The following RAD51B variants were observed in gnomAD, a reference collection of about 807,000 sequenced individuals.
The protein encoded by RAD51B is DNA repair protein RAD51 homolog 2.
In RAD51B, 38 loss-of-function variants were observed where a neutral mutation model predicts 42.2. The observed-to-expected ratio is 0.90, with a 90% CI of 0.70 to 1.18. The LOEUF (loss-of-function observed/expected upper bound fraction) is 1.18. Ranked by LOEUF, RAD51B falls within the 50% of genes most tolerant of loss-of-function variation. The pLI, the probability that RAD51B is intolerant of heterozygous loss-of-function variation, is 0.00. For synonymous variants in RAD51B, 154 were observed against 145.2 expected (o/e 1.06, Z -0.43); for missense variants, 373 against 400.7 (o/e 0.93, Z 0.59).
intron 7 of RAD51B, among the ~76,000 whole-genome samples, chr14:68,255,217 T>G (rs931256239): frequency 2.6e-5 from 4 of 152,174 alleles, no homozygotes; most frequent in Non-Finnish European, 5.9e-5. Flanking sequence ...TCAGAAAACT[T>G]TTTCTCTTTG....
chr14:68,423,081 G>A (rs1052410854), intron 9 of RAD51B, among the ~76,000 whole-genome samples: 2 of 152,132 alleles, frequency 1.3e-5, no homozygotes, highest in African/African-American at 2.4e-5. Context: ...GTTACAAAGG[G>A]ACCATGATTT....
At chr14:68,170,891 A>T in intron 7 of RAD51B, among the ~76,000 whole-genome samples, 1 of 152,240 alleles carries the variant, frequency 6.6e-6, no homozygotes. Flanking sequence ...AAAAAAATGT[A>T]TTGGGAATGA....
chr14:67,960,329 C>T (rs780271566), intron 7 of RAD51B, among the ~76,000 whole-genome samples: 1 of 152,184 alleles, frequency 6.6e-6, no homozygotes, highest in African/African-American at 2.4e-5. Flanking sequence ...TCTATAACAT[C>T]ATTTCATCTC....
At position 67,865,385 on chromosome 14, in the gene RAD51B, C is replaced by A. The variant is rs111710471; in HGVS notation, c.452+246C>A. Among the ~76,000 whole-genome samples the A allele has an allele frequency of 0.12, 18,796 of 151,502 alleles. 1,583 individuals carry two copies. Among genetic ancestry groups the A allele is most frequent in the Middle Eastern group, 0.27 (79 of 290 alleles). ...CCGAGTAGCTGAGACTACAGGTATG[C>A]ACCACCACACCTGGCTAATTATTCT... On this transcript the variant is annotated intron_variant, in intron 5 of 10. Coordinates refer to ENST00000471583, the MANE Select transcript of RAD51B (RefSeq NM_133510.4).
chr14:68,416,835 G>A (rs950713091), intron 9 of RAD51B, among the ~76,000 whole-genome samples: 1 of 152,194 alleles, frequency 6.6e-6, no homozygotes, highest in Non-Finnish European at 1.5e-5. Context: ...GACCCAGGCT[G>A]AGGGAGAGAA....
chr14:68,253,179 A>T (rs1264876269), intron 7 of RAD51B, among the ~76,000 whole-genome samples: 1 of 152,112 alleles, frequency 6.6e-6, no homozygotes, highest in Non-Finnish European at 1.5e-5. Context: ...TCACTTAGTC[A>T]TAATTGTCTA....
At chr14:67,989,941 A>C (rs535788200) in intron 7 of RAD51B, among the ~76,000 whole-genome samples, 1 of 151,072 alleles carries the variant, frequency 6.6e-6, no homozygotes, top group East Asian at 1.9e-4. Context: ...GAAATTACAA[A>C]TTATTCTTTC....
At position 68,141,050 on chromosome 14, in the gene RAD51B, GA is replaced by G. The variant is rs146376537; in HGVS notation, c.757-150833del. On this transcript the variant is annotated intron_variant, in intron 7 of 10. Coordinates refer to ENST00000471583, the MANE Select transcript of RAD51B (RefSeq NM_133510.4). ...CTCTGAGATAACAGCAATAAACCGG[GA>G]CTGTCGAAGCAAGTTGAGCATAGGG... 4.2e-3 allele frequency among the ~76,000 whole-genome samples: 642 copies of G among 152,306 alleles called. 4 individuals are homozygous for G. The highest frequency in any genetic ancestry group is 7.2e-3 in the Non-Finnish European group (489 of 68,026).
intron 7 of RAD51B, among the ~76,000 whole-genome samples, chr14:68,246,818 C>T (rs1422670190): frequency 6.6e-6 from 1 of 152,078 alleles, no homozygotes; most frequent in African/African-American, 2.4e-5. Flanking sequence ...GAAGTAAAGT[C>T]TTTCTTTGCA....
intron 10 of RAD51B, among the ~76,000 whole-genome samples, chr14:68,635,986 A>C (rs1892332497): frequency 6.6e-6 from 1 of 152,112 alleles, no homozygotes; most frequent in African/African-American, 2.4e-5. Context: ...AAGTGATAGC[A>C]GTTTTAATTG....
At chr14:68,422,390 G>A (rs938189730) in intron 9 of RAD51B, among the ~76,000 whole-genome samples, 9 of 151,768 alleles carry the variant, frequency 5.9e-5, no homozygotes, top group East Asian at 1.9e-4. Context: ...GTGAAACCCC[G>A]TCTCTACTAA....
intron 10 of RAD51B, among the ~76,000 whole-genome samples, chr14:68,531,110 G>C (rs1712532519): frequency 6.9e-6 from 1 of 145,224 alleles, no homozygotes; most frequent in Admixed American, 6.9e-5. Flanking sequence ...CAACAAAGGA[G>C]AAAGCAGAAT....
At chr14:68,349,728 A>G (rs186978055) in intron 8 of RAD51B, among the ~76,000 whole-genome samples, 8 of 152,256 alleles carry the variant, frequency 5.3e-5, no homozygotes, top group Non-Finnish European at 1.0e-4. Context: ...GGAAGACCCA[A>G]GTTGCTCACC....
chr14:68,610,886 T>TGC (rs869274483), intron 10 of RAD51B: 1 of 453,300 alleles, frequency 2.2e-6, no homozygotes, highest in African/African-American at 2.3e-5. Context: ...TGTGTGTGTG[T>TGC]CATCTCCCTA....
intron 10 of RAD51B, among the ~76,000 whole-genome samples, chr14:68,584,639 C>T (rs1011325738): frequency 6.6e-6 from 1 of 152,186 alleles, no homozygotes; most frequent in East Asian, 1.9e-4. Context: ...CTATCCAAAT[C>T]GCTTTCGTCC....
At chr14:67,937,283 C>T (rs2044989712) in intron 7 of RAD51B, among the ~76,000 whole-genome samples, 1 of 152,120 alleles carries the variant, frequency 6.6e-6, no homozygotes, top group African/African-American at 2.4e-5. Context: ...ACACCTTCTT[C>T]CTGTCTTTGT....
At chr14:67,944,971 A>G (rs2045340454) in intron 7 of RAD51B, among the ~76,000 whole-genome samples, 1 of 152,186 alleles carries the variant, frequency 6.6e-6, no homozygotes, top group African/African-American at 2.4e-5. Context: ...CCTTTCACCA[A>G]AAAGAAAGTA....
At chr14:68,287,404 CT>C (rs1354060316) in intron 7 of RAD51B, among the ~76,000 whole-genome samples, 4 of 152,188 alleles carry the variant, frequency 2.6e-5, no homozygotes, top group Non-Finnish European at 5.9e-5. Context: ...ACAGAAGTTA[CT>C]TTATACAAAT....
chr14:68,505,845 G>A lies in RAD51B; in HGVS notation c.1036+37595G>A, dbSNP rs568018239. ...TGGGATTACAGGCGTGAGCGACCGC[G>A]CCCAGCCAGATTAGCCAATCTTATT... On this transcript the variant is annotated intron_variant, in intron 10 of 10. Coordinates refer to the RAD51B transcript ENST00000487270. Among the ~76,000 whole-genome samples the A allele has an allele frequency of 7.9e-5, 12 of 152,288 alleles. 1 individual carries two copies. The highest frequency in any genetic ancestry group is 6.2e-4 in the South Asian group (3 of 4,818).
Sources: allele counts gnomAD v4.1 joint callset (sites outside exome capture counted in the v4.1 genomes callset), GRCh38; gene constraint gnomAD v4.1.1; transcripts MANE v1.5; gene names NCBI Gene and HGNC (gene_info 2026-07-23, HGNC 2026-07-21).